CARD10: variants seen among roughly 807,000 people sequenced by gnomAD.
CARD10 encodes the protein caspase recruitment domain family member 10, also known as caspase recruitment domain-containing protein 10.
CARD10 carries 49 observed loss-of-function variants against 114.6 expected under a neutral mutation model. The observed-to-expected ratio is 0.43, with a 90% CI of 0.34 to 0.54. CARD10 has a LOEUF of 0.54. Ranked by LOEUF, CARD10 falls within the 20% of genes least tolerant of loss-of-function variation. CARD10 has a pLI of 0.03. For missense variants in CARD10, 1,206 were observed against 1,397.2 expected, an observed-to-expected ratio of 0.86 and a Z score of 2.18; for synonymous variants, 602 against 593.2, an observed-to-expected ratio of 1.01 and a Z score of -0.21.
intron 3 of CARD10, among the ~76,000 whole-genome samples, chr22:37,511,078 T>C (rs1923621576): frequency 9.9e-6 from 1 of 100,990 alleles, no homozygotes; most frequent in Admixed American, 1.1e-4. Context: ...CAAGACTCTG[T>C]CTCAAAAAAA....
At chr22:37,497,401 C>T (rs1923043867) in intron 11 of CARD10, among the ~76,000 whole-genome samples, 1 of 152,212 alleles carries the variant, frequency 6.6e-6, no homozygotes, top group South Asian at 2.1e-4. Flanking sequence ...GACCTGGGCA[C>T]ACGGTGCAGT....
chr22:37,508,185 C>A (rs1240551828), intron 5 of CARD10, among the ~76,000 whole-genome samples: 1 of 152,164 alleles, frequency 6.6e-6, no homozygotes, highest in South Asian at 2.1e-4. Context: ...ATCCGGCCAC[C>A]CTTGGCCTCC....
Position 37,505,673 on chromosome 22 carries a change from G to A in CARD10, c.1383+519C>T, listed in dbSNP as rs1193000289. 2.6e-5 allele frequency among the ~76,000 whole-genome samples: 4 copies of A among 151,722 alleles called. No homozygotes were observed. The East Asian group carries it at 7.7e-4, about 29-fold the overall frequency. On this transcript the variant is annotated intron_variant, in intron 7 of 19. Coordinates refer to ENST00000251973, the MANE Select transcript of CARD10 (RefSeq NM_014550.4). ...AAAAAAGGAAAAAGCAGAGCTCCCG[G>A]CAGCAGCCTGAGGACCACGATCCAA...
Position 37,501,767 on chromosome 22 carries a change from C to T in CARD10, c.1787+835G>A, listed in dbSNP as rs1230727534. Among the ~76,000 whole-genome samples the T allele has an allele frequency of 6.6e-6, 1 of 152,218 alleles. No homozygotes were observed. The highest frequency in any genetic ancestry group is 1.5e-5 in the Non-Finnish European group (1 of 68,038). On this transcript the variant is annotated intron_variant, in intron 11 of 19. Coordinates refer to ENST00000251973, the MANE Select transcript of CARD10 (RefSeq NM_014550.4). This position sits in a 1 kb window ranked among gnomAD's most constrained non-coding sequence, Gnocchi z 5.4. ...GAGATAATCGTCATTATGCCTACTC[C>T]CTGGACAAAGAGCATGTTGTAAAAC...
chr22:37,496,396 G>T lies in CARD10; in HGVS notation c.2059+53C>A. On this transcript the variant is annotated intron_variant, in intron 13 of 19. Coordinates refer to ENST00000251973, the MANE Select transcript of CARD10 (RefSeq NM_014550.4). This position sits in a 1 kb window ranked among gnomAD's most constrained non-coding sequence, Gnocchi z 4.1. ...GGTCCCTCCCCACCCCATGCACCAC[G>T]GGTTAGAGGACCCCTCTGGGGCCAA... 1.5e-6 allele frequency: 2 copies of T among 1,327,762 alleles called. No individual in the cohort carries two copies. The highest frequency in any genetic ancestry group is 2.1e-6 in the Non-Finnish European group (2 of 934,202). 82.2% of individuals were successfully genotyped at this position (1,327,762 alleles called of 1,614,324 possible).
rs1218804407 is a variant in CARD10, at chr22:37,492,612, C to G, written c.2635+32G>C. On this transcript the variant is annotated intron_variant, in intron 17 of 19. Coordinates refer to ENST00000251973, the MANE Select transcript of CARD10 (RefSeq NM_014550.4). This position sits in a 1 kb window ranked among gnomAD's most constrained non-coding sequence, Gnocchi z 5.7. ...ATGGGCCCGGCTGCCCAGAGGGGCA[C>G]CCAGCCTCCCCTCCCCGGCACATAG... 2 of 1,609,942 alleles carry G rather than the reference C, an allele frequency of 1.2e-6. No individual in the cohort carries two copies. The highest frequency in any genetic ancestry group is 1.7e-6 in the Non-Finnish European group (2 of 1,178,026).
In CARD10 at chr22:37,496,339, T is replaced by C. The variant is rs1326464098; in HGVS notation, c.2059+110A>G. ...AGGCGGGGAGCCAGGAGAAGGGCAATTGGGGCAAGGCTGGTCCCTTCTCAG... is the reference window on the plus strand; with the variant it reads ...AGGCGGGGAGCCAGGAGAAGGGCAACTGGGGCAAGGCTGGTCCCTTCTCAG... On this transcript the variant is annotated intron_variant, in intron 13 of 19. Coordinates refer to ENST00000251973, the MANE Select transcript of CARD10 (RefSeq NM_014550.4). This position sits in a 1 kb window ranked among gnomAD's most constrained non-coding sequence, Gnocchi z 4.1. 1.7e-5 allele frequency: 13 copies of C among 765,528 alleles called. No individual in the cohort carries two copies. Among genetic ancestry groups the C allele is most frequent in the East Asian group, 2.6e-5 (1 of 38,398 alleles). 47.4% of individuals were successfully genotyped at this position (765,528 alleles called of 1,614,324 possible).
At chr22:37,504,085 G>T in intron 9 of CARD10, 101 bp downstream of exon 9, 3 of 849,122 alleles carry the variant, frequency 3.5e-6, no homozygotes, top group Non-Finnish European at 5.9e-6. Context: ...GGAAGTGACT[G>T]CCTGGACCTG....
At position 37,492,071 on chromosome 22, in the gene CARD10, C is replaced by T. The variant is rs1163843147; in HGVS notation, c.2752-204G>A. On this transcript the variant is annotated intron_variant, in intron 18 of 19. Transcript: ENST00000251973. This position sits in a 1 kb window ranked among gnomAD's most constrained non-coding sequence, Gnocchi z 5.7. ...TGGGGCAACCTGGAGATACAGACCT[C>T]CCCCTCAGGACCTAGGCCTCCCCAC... Among the ~76,000 whole-genome samples, 1 of 152,038 alleles carries T rather than the reference C, an allele frequency of 6.6e-6. No individual in the cohort carries two copies. The highest frequency in any genetic ancestry group is 1.5e-5 in the Non-Finnish European group (1 of 67,992).
In CARD10 at chr22:37,519,311, CG is replaced by C. The variant is rs920485375; in HGVS notation, c.-112del. 128 of 1,339,164 alleles carry C rather than the reference CG, an allele frequency of 9.6e-5. 1 individual carries two copies. In the African/African-American group the frequency reaches 1.8e-3, roughly 19 times the overall value. 83.0% of individuals were successfully genotyped at this position (1,339,164 alleles called of 1,614,324 possible). A position where few individuals can be genotyped will look rare whatever the true frequency, so the allele number is the denominator to read the frequency against. ...GGGGCGTCGTCCGCAGACCCGCCGT[CG>C]GGGGCGCGCCCCGAGCTCCCCGCGA... On this transcript the variant is annotated 5_prime_UTR_variant, in exon 1 of 20. Transcript: ENST00000251973. The surrounding 1 kb of genome is among the most constrained non-coding windows in gnomAD (Gnocchi z 4.1).
At chr22:37,504,097 C>A in intron 9 of CARD10, 89 bp downstream of exon 9, 1 of 933,330 alleles carries the variant, frequency 1.1e-6, no homozygotes, top group Non-Finnish European at 1.7e-6. Context: ...CTGGACCTGA[C>A]TTTGGCATTG....
chr22:37,507,503 C>T (rs1397631927), intron 6 of CARD10, among the ~76,000 whole-genome samples: 2 of 152,178 alleles, frequency 1.3e-5, no homozygotes, highest in Non-Finnish European at 1.5e-5. Context: ...ATTTCTTCAT[C>T]GGCTTCTATT....
intron 11 of CARD10, among the ~76,000 whole-genome samples, chr22:37,497,901 G>A (rs1262373258): frequency 6.6e-6 from 1 of 151,968 alleles, no homozygotes; most frequent in East Asian, 1.9e-4. Context: ...GAGGAGGGAG[G>A]TCACCATTAG....
At chr22:37,503,163 C>T in intron 10 of CARD10, 22 bp downstream of exon 10, 1 of 1,609,996 alleles carries the variant, frequency 6.2e-7, no homozygotes, top group Non-Finnish European at 8.5e-7. Context: ...GAGCCCTCCC[C>T]ACGGAACTCA....
rs951403795 is a variant in CARD10 at position 37,504,281 on chromosome 22, T to G, written c.1539A>C (p.Glu513Asp). Residue 513 changes from glutamate to aspartate, a missense_variant, in exon 9 of 20, where the codon GAA becomes GAC. Coordinates refer to ENST00000251973, the MANE Select transcript of CARD10 (RefSeq NM_014550.4). ...GGATGGAGAGCCGATTGATCTCCTT[T>G]TCACTGTCTGTGGCTTCCTCCTGCA... is the stretch of plus-strand genomic sequence containing the variant. Reference protein sequence around the residue: ...PHNSEEATDSEKEINRLSILP... With the variant: ...PHNSEEATDSDKEINRLSILP... 11 of 1,560,890 alleles carry G rather than the reference T, an allele frequency of 7.0e-6. No individual in the cohort carries two copies. Among genetic ancestry groups the G allele is most frequent in the Non-Finnish European group, 8.7e-7 (1 of 1,150,882 alleles).
intron 3 of CARD10, among the ~76,000 whole-genome samples, chr22:37,513,346 A>G (rs986877285): frequency 6.6e-6 from 1 of 152,084 alleles, no homozygotes; most frequent in African/African-American, 2.4e-5. Flanking sequence ...TTCTGACCTC[A>G]TGATCCACCC....
rs964216303 is a variant in CARD10, at chr22:37,490,997, C to T, written c.*162G>A. The T allele has an allele frequency of 1.5e-5, 9 of 620,456 alleles. No homozygotes were observed. The highest frequency in any genetic ancestry group is 2.8e-5 in the East Asian group (1 of 35,464). The allele number at this position is 620,456 out of a possible 1,614,324, so 38.4% of individuals were successfully genotyped here. A position where few individuals can be genotyped will look rare whatever the true frequency, so the allele number is the denominator to read the frequency against. On this transcript the variant is annotated 3_prime_UTR_variant, in exon 20 of 20. Coordinates refer to ENST00000251973, the MANE Select transcript of CARD10 (RefSeq NM_014550.4). ...CTCTGTCCCGGGACTCCCATAGGCT[C>T]GGCAGGGCCAGAGACAGCCTTGGGG...
intron 15 of CARD10, among the ~76,000 whole-genome samples, chr22:37,495,135 T>A (rs933273778): frequency 2.0e-5 from 3 of 152,028 alleles, no homozygotes; most frequent in Non-Finnish European, 4.4e-5. Flanking sequence ...GCTAATTTTG[T>A]TTTTGTATTT....
chr22:37,514,276 T>G (rs772161060), intron 3 of CARD10, among the ~76,000 whole-genome samples: 2 of 151,946 alleles, frequency 1.3e-5, no homozygotes, highest in African/African-American at 4.8e-5. Context: ...CTGAGGATGG[T>G]ATCTATAAAG....
Sources: allele counts gnomAD v4.1 joint callset (sites outside exome capture counted in the v4.1 genomes callset), GRCh38; gene constraint gnomAD v4.1.1; non-coding constraint Gnocchi (gnomAD v3.1); transcripts MANE v1.5; gene names NCBI Gene and HGNC (gene_info 2026-07-23, HGNC 2026-07-21).